The following NRSN1 variants were observed in gnomAD, a reference collection of about 807,000 sequenced individuals.
NRSN1 encodes neurensin 1, also known as neurensin-1.
Under a neutral mutation model 17.3 loss-of-function variants are expected in NRSN1, and 14 were observed. That is an observed-to-expected ratio of 0.81 (90% confidence interval 0.54 to 1.27). NRSN1 has a LOEUF of 1.27. Ranked by LOEUF, NRSN1 falls within the 50% of genes most tolerant of loss-of-function variation. The pLI is 0.00. For missense variants in NRSN1, 209 were observed against 235.9 expected (o/e 0.89, Z 0.75); for synonymous variants, 79 against 94.2 (o/e 0.84, Z 0.93).
intron 3 of NRSN1, among the ~76,000 whole-genome samples, chr6:24,142,701 G>A (rs4449614): frequency 7.2e-5 from 11 of 151,954 alleles, no homozygotes; most frequent in South Asian, 6.2e-4. Flanking sequence ...GGTTCCTCCC[G>A]GTGGATTTCT....
intron 2 of NRSN1, chr6:24,129,770 T>C (rs942879967): frequency 1.3e-5 from 2 of 152,222 alleles, no homozygotes; most frequent in Admixed American, 6.5e-5. Context: ...ACAGTTGCTA[T>C]GGACAGGTTA....
rs905075233 is a variant in NRSN1, at chr6:24,146,728, T to TA, written c.*787dup. 1 of 153,660 alleles carries TA rather than the reference T, an allele frequency of 6.5e-6. No individual in the cohort carries two copies. The highest frequency in any genetic ancestry group is 1.4e-5 in the Non-Finnish European group (1 of 69,154). 9.5% of individuals were successfully genotyped at this position (153,660 alleles called of 1,614,324 possible). On this transcript the variant is annotated 3_prime_UTR_variant, in exon 4 of 4. Transcript: ENST00000378491. ...CAGGATCTTGCTGTCCAATTTTTTT[T>TA]AAAAAGCTAAAATTGCCAACTTTAG...
intron 2 of NRSN1, among the ~76,000 whole-genome samples, chr6:24,132,140 G>A (rs1760043169): frequency 6.6e-6 from 1 of 152,052 alleles, no homozygotes; most frequent in African/African-American, 2.4e-5. Context: ...TCTAAGACCA[G>A]GGCCATGTTT....
In NRSN1 at chr6:24,145,483, G is replaced by A; in HGVS notation, c.190-65G>A. 1 of 1,264,494 alleles carries A rather than the reference G, an allele frequency of 7.9e-7. No homozygotes were observed. Among genetic ancestry groups the A allele is most frequent in the Non-Finnish European group, 1.1e-6 (1 of 933,832 alleles). 78.3% of individuals were successfully genotyped at this position (1,264,494 alleles called of 1,614,324 possible). On this transcript the variant is annotated intron_variant, in intron 3 of 3. Transcript: ENST00000378491. This position sits in a 1 kb window ranked among gnomAD's most constrained non-coding sequence, Gnocchi z 4.4. ...GAAACAAGACAAGTGCTGCCCTTGA[G>A]GGCTCAGGGGCGAGCCGAAGCACCT...
chr6:24,129,525 C>T (rs900156817), intron 2 of NRSN1: 3 of 152,158 alleles, frequency 2.0e-5, no homozygotes, highest in African/African-American at 7.2e-5. Flanking sequence ...ATAAACCACA[C>T]ATAGAATATC....
At chr6:24,134,030 G>GTGTGTA (rs1263112696) in intron 2 of NRSN1, among the ~76,000 whole-genome samples, 1 of 151,642 alleles carries the variant, frequency 6.6e-6, no homozygotes, top group African/African-American at 2.4e-5. Flanking sequence ...GTGTGTGTGT[G>GTGTGTA]TGTGTGTGTG....
chr6:24,126,540 G>A (rs1427262523), intron 1 of NRSN1, among the ~76,000 whole-genome samples, 200 bp downstream of exon 1: 6 of 151,922 alleles, frequency 3.9e-5, no homozygotes, highest in Admixed American at 3.9e-4. Flanking sequence ...ATTAAAATCG[G>A]TGAAAACATA....
rs985882247 is a variant in NRSN1, at chr6:24,146,126, A to G, written c.*180A>G. ...GGCAGCTCTGCTGGAGGGCGGTGCC[A>G]TGCCTAAGCCTGTGCACATGCATCC... is the stretch of plus-strand genomic sequence containing the variant. On this transcript the variant is annotated 3_prime_UTR_variant, in exon 4 of 4. Transcript: ENST00000378491. 8.1e-6 allele frequency: 6 copies of G among 740,576 alleles called. No homozygotes were observed. The highest frequency in any genetic ancestry group is 1.2e-5 in the Non-Finnish European group (5 of 406,050). 45.9% of individuals were successfully genotyped at this position (740,576 alleles called of 1,614,324 possible).
chr6:24,143,810 C>G (rs928533689), intron 3 of NRSN1, among the ~76,000 whole-genome samples: 1 of 152,160 alleles, frequency 6.6e-6, no homozygotes, highest in African/African-American at 2.4e-5. Flanking sequence ...TTGCCAGATA[C>G]AAGGCTAAGT....
rs553116811 is a variant in NRSN1, at chr6:24,147,349, C to G, written c.*1403C>G. Reference sequence around the variant, plus strand: ...CTTAAAATTGTGCCACCTTAGAGCCCCCCCCCTTTTTTTTTTCTTCCTTCA... The same window carrying G: ...CTTAAAATTGTGCCACCTTAGAGCCGCCCCCCTTTTTTTTTTCTTCCTTCA... On this transcript the variant is annotated 3_prime_UTR_variant, in exon 4 of 4. Transcript: ENST00000378491. 2 of 150,272 alleles carry G rather than the reference C, an allele frequency of 1.3e-5. No homozygotes were observed. The highest frequency in any genetic ancestry group is 2.2e-4 in the South Asian group (1 of 4,584). 9.3% of individuals were successfully genotyped at this position (150,272 alleles called of 1,614,324 possible).
intron 3 of NRSN1, among the ~76,000 whole-genome samples, chr6:24,140,167 G>T (rs1044993395): frequency 6.6e-6 from 1 of 152,202 alleles, no homozygotes; most frequent in African/African-American, 2.4e-5. Flanking sequence ...GAGGTCCTTT[G>T]TAACCTCGGA....
intron 1 of NRSN1, among the ~76,000 whole-genome samples, chr6:24,127,287 G>T (rs1759964124): frequency 6.6e-6 from 1 of 152,084 alleles, no homozygotes; most frequent in Non-Finnish European, 1.5e-5. Context: ...AAAGTAAATG[G>T]GTCTTGACGA....
intron 3 of NRSN1, among the ~76,000 whole-genome samples, chr6:24,140,502 TGCTGG>T (rs1306848717): frequency 6.6e-6 from 1 of 152,228 alleles, no homozygotes; most frequent in Admixed American, 6.5e-5. Context: ...CTGCCACTGC[TGCTGG>T]CAGACATCAC....
intron 3 of NRSN1, among the ~76,000 whole-genome samples, chr6:24,141,792 T>C (rs1273698682): frequency 6.6e-6 from 1 of 152,178 alleles, no homozygotes; most frequent in Non-Finnish European, 1.5e-5. Flanking sequence ...AGCAGTCTGA[T>C]GGTTTAAGTT....
intron 2 of NRSN1, among the ~76,000 whole-genome samples, chr6:24,132,428 G>T (rs1760048686): frequency 6.6e-6 from 1 of 152,118 alleles, no homozygotes; most frequent in South Asian, 2.1e-4. Context: ...GCCTCTGTTG[G>T]CCTGGATTAC....
At chr6:24,143,346 T>C (rs374225636) in intron 3 of NRSN1, among the ~76,000 whole-genome samples, 86 of 152,294 alleles carry the variant, frequency 5.6e-4, no homozygotes, top group Non-Finnish European at 1.0e-3. Context: ...TAGGTGAAAT[T>C]GGAATAAAAA....
intron 3 of NRSN1, among the ~76,000 whole-genome samples, chr6:24,144,436 G>A (rs762683448): frequency 1.3e-5 from 2 of 152,114 alleles, no homozygotes; most frequent in African/African-American, 4.8e-5. Context: ...GGGACTGTGG[G>A]GCATTGCAAT....
At chr6:24,134,041 T>TGTGTGTG (rs1491411832) in intron 2 of NRSN1, among the ~76,000 whole-genome samples, 7 of 151,076 alleles carry the variant, frequency 4.6e-5, no homozygotes, top group East Asian at 2.0e-4. Context: ...TGTGTGTGTG[T>TGTGTGTG]TTTTAGTAGA....
intron 3 of NRSN1, among the ~76,000 whole-genome samples, chr6:24,136,611 A>T (rs1222841438): frequency 6.6e-6 from 1 of 152,120 alleles, no homozygotes; most frequent in Non-Finnish European, 1.5e-5. Context: ...TGACACACAG[A>T]ATATTGTAAG....
Sources: gnomAD v4.1 joint callset for allele counts (sites outside exome capture counted in the v4.1 genomes callset) on GRCh38, gnomAD v4.1.1 for gene constraint, Gnocchi (gnomAD v3.1) non-coding constraint, MANE v1.5 for transcripts, NCBI Gene and HGNC (gene_info 2026-07-23, HGNC 2026-07-21) for gene names.